EVI5: variants seen among roughly 807,000 people sequenced by gnomAD.
EVI5 encodes ecotropic viral integration site 5.
A neutral mutation model predicts 112.0 loss-of-function variants in EVI5; 73 were observed. That is an observed-to-expected ratio of 0.65 (90% CI 0.54 to 0.79). The LOEUF is 0.79. Among genes scored for constraint, EVI5 ranks in the 30% least tolerant of loss-of-function variants. The pLI is 0.00. For missense variants in EVI5, 900 were observed against 968.8 expected (o/e 0.93, Z 0.94); for synonymous variants, 305 against 319.9 (o/e 0.95, Z 0.50).
At position 92,511,523 on chromosome 1, in the gene EVI5, AG is replaced by A. The variant is rs1659191476; in HGVS notation, c.*2132del. 1 of 152,174 alleles carries A rather than the reference AG, an allele frequency of 6.6e-6. No individual in the cohort carries two copies. Among genetic ancestry groups the A allele is most frequent in the Non-Finnish European group, 1.5e-5 (1 of 68,026 alleles). The allele number at this position is 152,174 out of a possible 1,614,324, so 9.4% of individuals were successfully genotyped here. A position where few individuals can be genotyped will look rare whatever the true frequency, so the allele number is the denominator to read the frequency against. ...GAACCCTTTCAAAAGCTTTGGTGTT[AG>A]GGAGATCTAGGTTAAAATCTTGGCT... On this transcript the variant is annotated 3_prime_UTR_variant, in exon 20 of 20. Transcript: ENST00000684568.
At chr1:92,674,046 G>T (rs549207929) in intron 10 of EVI5, among the ~76,000 whole-genome samples, 1 of 152,226 alleles carries the variant, frequency 6.6e-6, no homozygotes, top group South Asian at 2.1e-4. Context: ...TCTTCCCATG[G>T]ACTTTTAAAA....
chr1:92,549,573 G>A (rs1166161405), intron 19 of EVI5, among the ~76,000 whole-genome samples: 33 of 150,266 alleles, frequency 2.2e-4, no homozygotes, highest in South Asian at 1.3e-3. Context: ...CCTACAGAAT[G>A]GGAGAAAATT....
intron 6 of EVI5, among the ~76,000 whole-genome samples, chr1:92,697,448 AAAAAT>A (rs1191451126): frequency 6.6e-6 from 1 of 152,184 alleles, no homozygotes; most frequent in Non-Finnish European, 1.5e-5. Context: ...AGCAAAAAAT[AAAAAT>A]AAAATAAAAG....
chr1:92,636,440 C>T (rs897405420), intron 13 of EVI5, 104 bp from the exon 14 acceptor site: 3 of 903,584 alleles, frequency 3.3e-6, no homozygotes, highest in East Asian at 2.7e-5. Context: ...TTAAGGGCAA[C>T]TAAATAGGAG....
intron 14 of EVI5, among the ~76,000 whole-genome samples, chr1:92,634,004 T>C (rs996396563): frequency 6.6e-6 from 1 of 152,216 alleles, no homozygotes; most frequent in Non-Finnish European, 1.5e-5. Context: ...TGTTGAATAT[T>C]GGCCCCCACT....
At chr1:92,669,246 T>A (rs941743535) in intron 10 of EVI5, among the ~76,000 whole-genome samples, 1 of 152,136 alleles carries the variant, frequency 6.6e-6, no homozygotes, top group African/African-American at 2.4e-5. Context: ...TACAAGGAAT[T>A]AAATTTCACT....
chr1:92,725,314 T>C (rs75247533), intron 2 of EVI5, among the ~76,000 whole-genome samples: 3,634 of 152,200 alleles, frequency 0.024, 170 homozygotes, highest in African/African-American at 0.083. Context: ...TCAAGACACA[T>C]TGGGAAGAGT....
intron 14 of EVI5, among the ~76,000 whole-genome samples, chr1:92,629,323 T>G (rs1030253252): frequency 6.6e-6 from 1 of 152,242 alleles, no homozygotes; most frequent in Non-Finnish European, 1.5e-5. Context: ...GAGACTGTTA[T>G]GTCCATTATC....
chr1:92,786,871 G>A (rs1488491013), upstream of EVI5, among the ~76,000 whole-genome samples: 1 of 152,128 alleles, frequency 6.6e-6, no homozygotes, highest in Non-Finnish European at 1.5e-5. Flanking sequence ...CTCCAGCCAC[G>A]CTAGCCTCTT....
chr1:92,709,836 C>T (rs1268498689), intron 2 of EVI5, among the ~76,000 whole-genome samples: 1 of 151,906 alleles, frequency 6.6e-6, no homozygotes, highest in Non-Finnish European at 1.5e-5. Context: ...TGAGGAACAA[C>T]TCAAGAAGGC....
Position 92,662,846 on chromosome 1 carries a change from TG to T in EVI5, c.1264del (p.Gln422ArgfsTer9). ...TATGAGGTAGTTTTCCTCAGCCTCCTGGGCTCTTGTCACTTGTCCCTTAGGA... is the reference window on the plus strand; with the variant it reads ...TATGAGGTAGTTTTCCTCAGCCTCCTGGCTCTTGTCACTTGTCCCTTAGGA... Reference protein sequence around the residue: ...RLIQGQVTRAQEAEENYLIKR... With the variant: ...RLIQGQVTRAXEAEENYLIKR... On this transcript the variant is annotated frameshift_variant, in exon 13 of 20. Transcript: ENST00000684568. LOFTEE classifies it high-confidence loss of function. 7.8e-7 allele frequency: 1 copy of T among 1,288,124 alleles called. No homozygotes were observed. The highest frequency in any genetic ancestry group is 1.0e-6 in the Non-Finnish European group (1 of 988,442). 79.8% of individuals were successfully genotyped at this position (1,288,124 alleles called of 1,614,324 possible). A position where few individuals can be genotyped will look rare whatever the true frequency, so the allele number is the denominator to read the frequency against.
Position 92,792,342 on chromosome 1 carries a change from A to G in EVI5, c.51+2T>C. 1 of 1,589,034 alleles carries G rather than the reference A, an allele frequency of 6.3e-7. No homozygotes were observed. The highest frequency in any genetic ancestry group is 8.6e-7 in the Non-Finnish European group (1 of 1,157,302). On this transcript the variant is annotated splice_donor_variant, in intron 1 of 17. Transcript: ENST00000370331. LOFTEE classifies it high-confidence loss of function. ...AAATCAAACATCGTTTTACACATTT[A>G]CCTGTTTCCCACTAGGGTTTCTAAA...
chr1:92,516,262 T>C (rs1659855508), intron 19 of EVI5, among the ~76,000 whole-genome samples: 1 of 152,194 alleles, frequency 6.6e-6, no homozygotes, highest in Admixed American at 6.5e-5. Flanking sequence ...AGGAGGAGTA[T>C]GGCAGAAGAA....
At position 92,662,701 on chromosome 1, in the gene EVI5, C is replaced by T. The variant is rs961044827; in HGVS notation, c.1392+18G>A. On this transcript the variant is annotated intron_variant, in intron 13 of 19. Coordinates refer to ENST00000684568, the MANE Select transcript of EVI5 (RefSeq NM_001350197.2). Reference sequence around the variant, plus strand: ...AGGGGGATGAGAAAGATGAGAAAAGCACTACCAGACTCCTTACCCATTGTT... The same window carrying T: ...AGGGGGATGAGAAAGATGAGAAAAGTACTACCAGACTCCTTACCCATTGTT... 4.2e-6 allele frequency: 5 copies of T among 1,178,288 alleles called. No homozygotes were observed. Among genetic ancestry groups the T allele is most frequent in the African/African-American group, 3.3e-5 (2 of 61,228 alleles). 73.0% of individuals were successfully genotyped at this position (1,178,288 alleles called of 1,614,324 possible).
chr1:92,763,316 A>G (rs952856333), intron 1 of EVI5, among the ~76,000 whole-genome samples: 3 of 152,194 alleles, frequency 2.0e-5, no homozygotes, highest in African/African-American at 7.2e-5. Flanking sequence ...GGTCTCAAGA[A>G]TATCAATAAA....
At chr1:92,699,684 TGTATA>T (rs1670846150) in intron 5 of EVI5, among the ~76,000 whole-genome samples, 1 of 152,172 alleles carries the variant, frequency 6.6e-6, no homozygotes, top group Non-Finnish European at 1.5e-5. Context: ...GCTACAAACC[TGTATA>T]GTATGTTACT....
At chr1:92,604,437 C>T (rs1649905349) in intron 18 of EVI5, among the ~76,000 whole-genome samples, 1 of 152,066 alleles carries the variant, frequency 6.6e-6, no homozygotes, top group Non-Finnish European at 1.5e-5. Context: ...ACCAATATCA[C>T]TATCTTCAAC....
At chr1:92,655,636 T>C (rs1218663860) in intron 13 of EVI5, among the ~76,000 whole-genome samples, 2 of 151,998 alleles carry the variant, frequency 1.3e-5, no homozygotes, top group African/African-American at 4.8e-5. Context: ...GAAAATGATA[T>C]CCCACACCAA....
chr1:92,611,990 T>A (rs1170102018), intron 16 of EVI5, among the ~76,000 whole-genome samples: 1 of 151,598 alleles, frequency 6.6e-6, no homozygotes, highest in Admixed American at 6.6e-5. Flanking sequence ...GGTGAACAAA[T>A]CCAGATAAGC....
Sources: allele counts gnomAD v4.1 joint callset (sites outside exome capture counted in the v4.1 genomes callset), GRCh38; gene constraint gnomAD v4.1.1; transcripts MANE v1.5; gene names NCBI Gene and HGNC (gene_info 2026-07-23, HGNC 2026-07-21).